The following PRKG1 variants were observed in gnomAD, a reference collection of about 807,000 sequenced individuals.
PRKG1 encodes cGMP-dependent protein kinase 1.
PRKG1 carries 35 observed loss-of-function variants against 88.1 expected under a neutral mutation model. The observed-to-expected ratio is 0.40, with a 90% CI of 0.30 to 0.53. PRKG1 has a LOEUF of 0.53. PRKG1 is among the 20% of genes least tolerant of loss of function. PRKG1 has a pLI of 0.59. For synonymous variants in PRKG1, 303 were observed against 292.5 expected (o/e 1.04, Z -0.37); for missense variants, 540 against 839.8 (o/e 0.64, Z 4.41).
Position 51,556,459 on chromosome 10 carries a change from G to A in PRKG1, c.592+88623G>A, listed in dbSNP as rs116716086. Reference sequence around the variant, plus strand: ...CAAAGTATTCCTAGGCACTAGTCACGATAGCAAAGACATGGACCCAACCTA... The same window carrying A: ...CAAAGTATTCCTAGGCACTAGTCACAATAGCAAAGACATGGACCCAACCTA... On this transcript the variant is annotated intron_variant, in intron 3 of 17. Transcript: ENST00000373980. Among the ~76,000 whole-genome samples, 895 of 151,692 alleles carry A rather than the reference G, an allele frequency of 5.9e-3. 7 individuals carry two copies. Among genetic ancestry groups the A allele is most frequent in the African/African-American group, 0.021 (857 of 41,408 alleles).
At chr10:51,516,837 T>G (rs948465355) in intron 3 of PRKG1, among the ~76,000 whole-genome samples, 9 of 152,222 alleles carry the variant, frequency 5.9e-5, no homozygotes, top group Admixed American at 1.3e-4. Flanking sequence ...CAGAAGAGGT[T>G]TGTACATTCG....
chr10:51,594,417 A>G (rs1406781384), intron 3 of PRKG1, among the ~76,000 whole-genome samples: 1 of 152,200 alleles, frequency 6.6e-6, no homozygotes, highest in Non-Finnish European at 1.5e-5. Flanking sequence ...AGTTGAATAT[A>G]CATAATAAAT....
intron 4 of PRKG1, among the ~76,000 whole-genome samples, chr10:51,831,221 C>T (rs1272645767): frequency 6.6e-6 from 1 of 152,020 alleles, no homozygotes; most frequent in African/African-American, 2.4e-5. Context: ...CAATTTAACC[C>T]TTAGCCCAAG....
intron 3 of PRKG1, chr10:51,568,924 T>C (rs1327628655): frequency 1.3e-5 from 2 of 152,052 alleles, no homozygotes; most frequent in Non-Finnish European, 2.9e-5. Flanking sequence ...GTGGTGGCTA[T>C]GAGGATAGGG....
intron 7 of PRKG1, among the ~76,000 whole-genome samples, chr10:52,106,027 A>G (rs987009283): frequency 2.0e-5 from 3 of 152,096 alleles, no homozygotes; most frequent in African/African-American, 7.2e-5. Flanking sequence ...ATGCCTTTGC[A>G]TCCTCATAGC....
At chr10:51,355,389 C>T (rs1366259961) in intron 2 of PRKG1, among the ~76,000 whole-genome samples, 3 of 152,000 alleles carry the variant, frequency 2.0e-5, no homozygotes, top group Non-Finnish European at 2.9e-5. Context: ...ATCACATATA[C>T]GGTGACTTGT....
chr10:52,012,097 T>C lies in PRKG1; in HGVS notation c.763-42387T>C, dbSNP rs144783202. 3.1e-3 allele frequency among the ~76,000 whole-genome samples: 465 copies of C among 152,308 alleles called. 6 individuals carry two copies. Among genetic ancestry groups the C allele is most frequent in the Non-Finnish European group, 2.0e-3 (138 of 68,030 alleles). ...GACTAATACACCTCTCTTTCACTCTTCACTGTGCTCCCCATTTTATGAAAT... is the reference window on the plus strand; with the variant it reads ...GACTAATACACCTCTCTTTCACTCTCCACTGTGCTCCCCATTTTATGAAAT... On this transcript the variant is annotated intron_variant, in intron 5 of 17. Transcript: ENST00000373980.
At chr10:51,023,067 CCTGA>C (rs1843161382) in intron 1 of PRKG1, among the ~76,000 whole-genome samples, 1 of 152,104 alleles carries the variant, frequency 6.6e-6, no homozygotes, top group Non-Finnish European at 1.5e-5. Flanking sequence ...GGTAAGGCAG[CCTGA>C]CTAAGTAGAA....
chr10:51,737,323 A>T (rs145248713), intron 3 of PRKG1, among the ~76,000 whole-genome samples: 1 of 152,214 alleles, frequency 6.6e-6, no homozygotes, highest in Non-Finnish European at 1.5e-5. Flanking sequence ...TCATGGTATG[A>T]TTCTAAAGAG....
chr10:51,707,958 A>G (rs1841650400), intron 3 of PRKG1, among the ~76,000 whole-genome samples: 1 of 152,224 alleles, frequency 6.6e-6, no homozygotes, highest in African/African-American at 2.4e-5. Flanking sequence ...AGTAGCTAGC[A>G]TTTTATGGTA....
chr10:51,997,694 C>T (rs572928812), intron 5 of PRKG1, among the ~76,000 whole-genome samples: 4 of 152,230 alleles, frequency 2.6e-5, no homozygotes, highest in African/African-American at 4.8e-5. Context: ...GCAATAAATA[C>T]ATACATACAA....
intron 3 of PRKG1, among the ~76,000 whole-genome samples, chr10:51,599,053 G>A (rs751323093): frequency 7.2e-5 from 11 of 152,120 alleles, no homozygotes; most frequent in Admixed American, 3.3e-4. Flanking sequence ...TGATAAGCTG[G>A]ATAAAACAGA....
intron 5 of PRKG1, among the ~76,000 whole-genome samples, chr10:51,970,831 G>GATAT (rs59493582): frequency 2.6e-3 from 349 of 136,608 alleles, no homozygotes; most frequent in African/African-American, 8.1e-3. Context: ...ATATATATGT[G>GATAT]ATATATATAT....
chr10:52,086,345 A>C (rs533370412), intron 7 of PRKG1, among the ~76,000 whole-genome samples: 1 of 151,418 alleles, frequency 6.6e-6, no homozygotes, highest in South Asian at 2.1e-4. Flanking sequence ...AGCACACTAT[A>C]CACTTTTTTG....
rs182894992 is a variant in PRKG1 at position 51,927,757 on chromosome 10, C to T, written c.762+20187C>T. ...GGACTGAAAACAAAAGTTGACACTTCCCTCTCTCCTTGCACTTTTGTTATA... is the reference window on the plus strand; with the variant it reads ...GGACTGAAAACAAAAGTTGACACTTTCCTCTCTCCTTGCACTTTTGTTATA... On this transcript the variant is annotated intron_variant, in intron 5 of 17. Coordinates refer to ENST00000373980, the MANE Select transcript of PRKG1 (RefSeq NM_006258.4). 3.9e-5 allele frequency among the ~76,000 whole-genome samples: 6 copies of T among 152,276 alleles called. No homozygotes were observed. The East Asian group carries it at 5.8e-4, about 15-fold the overall frequency.
At chr10:51,052,192 T>A (rs1843570580) in intron 1 of PRKG1, among the ~76,000 whole-genome samples, 1 of 152,214 alleles carries the variant, frequency 6.6e-6, no homozygotes, top group South Asian at 2.1e-4. Context: ...AGAGTTCAAA[T>A]TCCAACCACT....
In PRKG1 at chr10:51,606,050, T is replaced by A. The variant is rs183172127; in HGVS notation, c.592+138214T>A. 8.0e-3 allele frequency among the ~76,000 whole-genome samples: 1,216 copies of A among 152,354 alleles called. 21 individuals are homozygous for A. Among genetic ancestry groups the A allele is most frequent in the African/African-American group, 0.028 (1,149 of 41,576 alleles). ...ACTTTAAAAAAATTTATCATTTTTT[T>A]AATTACATGTAATTATTGATGACAT... On this transcript the variant is annotated intron_variant, in intron 3 of 17. Transcript: ENST00000373980.
chr10:51,677,558 A>G (rs1564602585), intron 3 of PRKG1, among the ~76,000 whole-genome samples: 2 of 152,200 alleles, frequency 1.3e-5, no homozygotes, highest in East Asian at 1.9e-4. Context: ...GTCTGCCACA[A>G]CAGAACAGTA....
At chr10:51,977,791 G>A (rs1186366456) in intron 5 of PRKG1, among the ~76,000 whole-genome samples, 2 of 151,678 alleles carry the variant, frequency 1.3e-5, no homozygotes, top group African/African-American at 4.8e-5. Flanking sequence ...GTTTGTTCAT[G>A]TCCTTTGTCC....
Sources: allele counts gnomAD v4.1 joint callset (sites outside exome capture counted in the v4.1 genomes callset), GRCh38; gene constraint gnomAD v4.1.1; transcripts MANE v1.5; gene names NCBI Gene and HGNC (gene_info 2026-07-23, HGNC 2026-07-21).